The following CAPZA1 variants were observed in gnomAD, a reference collection of about 807,000 sequenced individuals.
The protein encoded by CAPZA1 is F-actin-capping protein subunit alpha-1.
A neutral mutation model predicts 40.8 loss-of-function variants in CAPZA1; 10 were observed. That is an observed-to-expected ratio of 0.25 (90% CI 0.15 to 0.42). The LOEUF is 0.42. Among genes scored for constraint, CAPZA1 ranks in the 10% least tolerant of loss-of-function variants. CAPZA1 has a pLI of 1.00. For missense variants in CAPZA1, 277 were observed against 353.8 expected, an observed-to-expected ratio of 0.78 and a Z score of 1.74; for synonymous variants, 98 against 115.0, an observed-to-expected ratio of 0.85 and a Z score of 0.95.
At chr1:112,634,241 G>A (rs1238144337) in intron 1 of CAPZA1, among the ~76,000 whole-genome samples, 1 of 152,058 alleles carries the variant, frequency 6.6e-6, no homozygotes, top group Admixed American at 6.6e-5. Context: ...GAATACTTTT[G>A]GAATGGGTTA....
At chr1:112,665,049 G>A (rs1671696974) in intron 7 of CAPZA1, among the ~76,000 whole-genome samples, 1 of 152,218 alleles carries the variant, frequency 6.6e-6, no homozygotes, top group Admixed American at 6.5e-5. Flanking sequence ...TACTGAGTAA[G>A]TGAGATGAAG....
chr1:112,636,201 T>C (rs1331299998), intron 1 of CAPZA1, among the ~76,000 whole-genome samples: 1 of 152,174 alleles, frequency 6.6e-6, no homozygotes, highest in Non-Finnish European at 1.5e-5. Context: ...ATTAAGCCAC[T>C]TCTAGGGAAA....
chr1:112,667,931 C>G (rs1411249000), intron 8 of CAPZA1, among the ~76,000 whole-genome samples: 1 of 151,926 alleles, frequency 6.6e-6, no homozygotes, highest in Non-Finnish European at 1.5e-5. Flanking sequence ...TATTGAGTAC[C>G]CCCAAAGAGT....
At chr1:112,669,907 A>G in intron 9 of CAPZA1, 85 bp from the exon 10 acceptor site, 2 of 1,441,408 alleles carry the variant, frequency 1.4e-6, no homozygotes, top group South Asian at 1.2e-5. Context: ...GGACTCAAGC[A>G]TATCCATTGA....
chr1:112,635,889 C>T (rs1009719255), intron 1 of CAPZA1, among the ~76,000 whole-genome samples: 1 of 152,102 alleles, frequency 6.6e-6, no homozygotes. Flanking sequence ...ATTAGCCAGG[C>T]GTGGTGGCAG....
intron 5 of CAPZA1, among the ~76,000 whole-genome samples, chr1:112,655,418 A>C (rs1299066215): frequency 6.6e-6 from 1 of 152,176 alleles, no homozygotes. Context: ...TGGAGGTTGC[A>C]GTGAGCTGAG....
intron 7 of CAPZA1, among the ~76,000 whole-genome samples, chr1:112,663,955 C>A (rs111861410): frequency 2.0e-5 from 3 of 151,922 alleles, no homozygotes; most frequent in Non-Finnish European, 2.9e-5. Flanking sequence ...AGATACTTGC[C>A]GGGCACGGTG....
At chr1:112,669,888 C>T in intron 9 of CAPZA1, 104 bp from the exon 10 acceptor site, 5 of 1,251,860 alleles carry the variant, frequency 4.0e-6, no homozygotes, top group Non-Finnish European at 1.1e-6. Context: ...CCTGTCTATC[C>T]TTCACAGGGG....
intron 4 of CAPZA1, 91 bp from the exon 5 acceptor site, chr1:112,654,374 C>A: frequency 1.3e-6 from 1 of 756,674 alleles, no homozygotes; most frequent in Non-Finnish European, 2.1e-6. Flanking sequence ...GAAAAGTTAA[C>A]TGCCTCAGAA....
intron 1 of CAPZA1, among the ~76,000 whole-genome samples, chr1:112,627,300 C>A (rs969599316): frequency 6.6e-6 from 1 of 152,060 alleles, no homozygotes; most frequent in African/African-American, 2.4e-5. Flanking sequence ...AACCTGGATG[C>A]CTTTATAGAC....
chr1:112,632,588 T>C (rs910093550), intron 1 of CAPZA1, among the ~76,000 whole-genome samples: 3 of 151,830 alleles, frequency 2.0e-5, no homozygotes, highest in African/African-American at 7.3e-5. Context: ...CGGGGTGGGG[T>C]GTCAAATCCT....
intron 1 of CAPZA1, among the ~76,000 whole-genome samples, chr1:112,643,046 G>A (rs984418415): frequency 6.6e-6 from 1 of 152,028 alleles, no homozygotes; most frequent in African/African-American, 2.4e-5. Context: ...CACCTTGACA[G>A]AAAGGGGATA....
At chr1:112,662,395 C>CTTTTTTTTTTT (rs35100851) in intron 7 of CAPZA1, among the ~76,000 whole-genome samples, 4 of 97,256 alleles carry the variant, frequency 4.1e-5, no homozygotes, top group East Asian at 6.0e-4. Context: ...TAGAATTTTT[C>CTTTTTTTTTTT]TTTTTTTTTT....
intron 1 of CAPZA1, among the ~76,000 whole-genome samples, chr1:112,625,045 A>G (rs755050015): frequency 3.4e-4 from 52 of 152,088 alleles, no homozygotes; most frequent in Non-Finnish European, 1.2e-4. Context: ...ATTAATTCTC[A>G]TATCTCTCCA....
intron 1 of CAPZA1, among the ~76,000 whole-genome samples, chr1:112,636,752 C>G (rs1009793202): frequency 2.6e-5 from 4 of 152,146 alleles, no homozygotes; most frequent in African/African-American, 9.7e-5. Context: ...CTCTCCCACC[C>G]TTGAGAATGA....
chr1:112,627,982 T>G (rs1466694057), intron 1 of CAPZA1, among the ~76,000 whole-genome samples: 1 of 151,958 alleles, frequency 6.6e-6, no homozygotes, highest in African/African-American at 2.4e-5. Flanking sequence ...AGTTGCTTAG[T>G]GCTCTTTGAG....
At chr1:112,658,958 C>T in intron 5 of CAPZA1, 64 bp from the exon 6 acceptor site, 1 of 1,170,512 alleles carries the variant, frequency 8.5e-7, no homozygotes. Flanking sequence ...TGCTTTTGTA[C>T]AATGCATGTT....
rs1570731637 is a variant in CAPZA1, at chr1:112,671,432, G to A, written c.*1300G>A. ...AAAAAAGAAAGGTGTTTGTGCTTCC[G>A]TTTTGTTTCTGCTCAGTAATATAGT... is the stretch of plus-strand genomic sequence containing the variant. On this transcript the variant is annotated 3_prime_UTR_variant, in exon 10 of 10. Transcript: ENST00000263168. The A allele has an allele frequency of 6.6e-6, 1 of 152,588 alleles. No homozygotes were observed. The highest frequency in any genetic ancestry group is 1.5e-5 in the Non-Finnish European group (1 of 68,022). The allele number at this position is 152,588 out of a possible 1,614,324, so 9.5% of individuals were successfully genotyped here.
In CAPZA1 at chr1:112,670,720, A is replaced by C. The variant is rs1002515311; in HGVS notation, c.*588A>C. ...CAGGTCCTTTTTGGAGGGCAAAGGA[A>C]GTGCCAGCTTCTCTGGGGAACTTGT... is the stretch of plus-strand genomic sequence containing the variant. On this transcript the variant is annotated 3_prime_UTR_variant, in exon 10 of 10. Transcript: ENST00000263168. The C allele has an allele frequency of 1.3e-5, 2 of 152,686 alleles. No individual in the cohort carries two copies. The highest frequency in any genetic ancestry group is 4.8e-5 in the African/African-American group (2 of 41,466). The allele number at this position is 152,686 out of a possible 1,614,324, so 9.5% of individuals were successfully genotyped here.
Sources: gnomAD v4.1 joint callset for allele counts (sites outside exome capture counted in the v4.1 genomes callset) on GRCh38, gnomAD v4.1.1 for gene constraint, MANE v1.5 for transcripts, NCBI Gene and HGNC (gene_info 2026-07-23, HGNC 2026-07-21) for gene names.